PHACTR1: variants seen among roughly 807,000 people sequenced by gnomAD.
PHACTR1 encodes phosphatase and actin regulator 1, also known as RPEL repeat containing 1.
A neutral mutation model predicts 69.2 loss-of-function variants in PHACTR1; 16 were observed. That is an observed-to-expected ratio of 0.23 (90% CI 0.16 to 0.35). The LOEUF is 0.35. Ranked by LOEUF, PHACTR1 falls within the 10% of genes least tolerant of loss-of-function variation. The pLI is 1.00. For synonymous variants in PHACTR1, 312 were observed against 284.5 expected, an observed-to-expected ratio of 1.10 and a Z score of -0.97; for missense variants, 510 against 734.7, an observed-to-expected ratio of 0.69 and a Z score of 3.54.
intron 3 of PHACTR1, among the ~76,000 whole-genome samples, chr6:12,732,361 T>C (rs1037399697): frequency 1.3e-5 from 2 of 152,056 alleles, no homozygotes; most frequent in South Asian, 2.1e-4. Flanking sequence ...TATTTTTCTT[T>C]AGTTCTTCTA....
intron 4 of PHACTR1, among the ~76,000 whole-genome samples, chr6:13,019,068 A>ATT (rs1383931837): frequency 0.03 from 4,063 of 137,602 alleles, 107 homozygotes; most frequent in East Asian, 0.16. Context: ...ATATATATAT[A>ATT]TATATATTTT....
intron 4 of PHACTR1, among the ~76,000 whole-genome samples, chr6:12,782,218 G>T (rs1441262510): frequency 6.6e-6 from 1 of 152,170 alleles, no homozygotes; most frequent in Admixed American, 6.5e-5. Flanking sequence ...CCAAGGGTTG[G>T]CAGTCAGGTG....
rs140090515 is a variant in PHACTR1, at chr6:12,987,926, G to A, written c.251-65439G>A. Reference sequence around the variant, plus strand: ...CAGTCCCCACTATGACTGCATGGATGTTGTGAATTTTCCAGCACTTGTGCT... The same window carrying A: ...CAGTCCCCACTATGACTGCATGGATATTGTGAATTTTCCAGCACTTGTGCT... On this transcript the variant is annotated intron_variant, in intron 4 of 14. Coordinates refer to ENST00000332995, the MANE Select transcript of PHACTR1 (RefSeq NM_030948.6). 7.5e-3 allele frequency among the ~76,000 whole-genome samples: 1,145 copies of A among 152,310 alleles called. 12 individuals carry two copies. Among genetic ancestry groups the A allele is most frequent in the African/African-American group, 0.026 (1,084 of 41,572 alleles).
intron 4 of PHACTR1, among the ~76,000 whole-genome samples, chr6:12,759,818 A>G (rs569484789): frequency 1.3e-5 from 2 of 152,292 alleles, no homozygotes; most frequent in South Asian, 4.1e-4. Context: ...GAGCAGTGAC[A>G]AAGACCATTC....
At chr6:12,794,619 C>T (rs369434940) in intron 4 of PHACTR1, among the ~76,000 whole-genome samples, 1 of 152,216 alleles carries the variant, frequency 6.6e-6, no homozygotes, top group South Asian at 2.1e-4. Context: ...AACATGTCAT[C>T]GGCATAAAAA....
intron 4 of PHACTR1, among the ~76,000 whole-genome samples, chr6:12,803,932 C>T (rs1400312894): frequency 2.6e-5 from 4 of 152,176 alleles, no homozygotes; most frequent in Non-Finnish European, 4.4e-5. Context: ...GAAAGAAAAT[C>T]TCCAGGGAAA....
intron 4 of PHACTR1, among the ~76,000 whole-genome samples, chr6:12,899,645 T>C (rs1784996575): frequency 6.6e-6 from 1 of 152,212 alleles, no homozygotes; most frequent in Non-Finnish European, 1.5e-5. Flanking sequence ...CTGGGTTGAC[T>C]GAGAATAGCT....
chr6:13,208,895 G>T (rs778916659), intron 8 of PHACTR1, among the ~76,000 whole-genome samples: 13 of 152,098 alleles, frequency 8.5e-5, no homozygotes, highest in Admixed American at 7.2e-4. Flanking sequence ...TGGGGGCAGG[G>T]TATGCAGCAT....
At chr6:12,994,184 C>CT in intron 4 of PHACTR1, among the ~76,000 whole-genome samples, 1 of 152,246 alleles carries the variant, frequency 6.6e-6, no homozygotes, top group East Asian at 1.9e-4. Context: ...AATTAATAAA[C>CT]TGGAAGATCA....
intron 5 of PHACTR1, among the ~76,000 whole-genome samples, chr6:13,063,987 T>C (rs1348082460): frequency 6.6e-6 from 1 of 152,164 alleles, no homozygotes; most frequent in Admixed American, 6.5e-5. Context: ...TGGGAAAAGC[T>C]TGGAGTGGCA....
intron 4 of PHACTR1, among the ~76,000 whole-genome samples, chr6:13,026,826 G>T (rs1417313977): frequency 6.6e-6 from 1 of 152,074 alleles, no homozygotes; most frequent in African/African-American, 2.4e-5. Context: ...GCAGGTCACA[G>T]AGTAATGGCC....
At chr6:13,163,860 T>G (rs578203426) in intron 6 of PHACTR1, among the ~76,000 whole-genome samples, 4 of 152,338 alleles carry the variant, frequency 2.6e-5, no homozygotes, top group Admixed American at 2.6e-4. Context: ...GACTTTTTTA[T>G]AACAGTGACT....
intron 4 of PHACTR1, among the ~76,000 whole-genome samples, chr6:12,910,889 G>A (rs952306256): frequency 2.0e-5 from 3 of 152,216 alleles, no homozygotes; most frequent in African/African-American, 7.2e-5. Context: ...ATGGGAAGAT[G>A]GGACATGTAC....
At chr6:13,015,732 G>T (rs546590979) in intron 4 of PHACTR1, among the ~76,000 whole-genome samples, 20 of 152,100 alleles carry the variant, frequency 1.3e-4, no homozygotes, top group African/African-American at 4.8e-4. Context: ...TGGTAAATGC[G>T]GTATACCCCG....
At chr6:12,945,226 T>C (rs1031838255) in intron 4 of PHACTR1, among the ~76,000 whole-genome samples, 6 of 152,092 alleles carry the variant, frequency 3.9e-5, no homozygotes, top group Non-Finnish European at 8.8e-5. Context: ...TAAAACCACT[T>C]CCTCCAGAAA....
At chr6:12,734,400 G>A (rs1763972106) in intron 3 of PHACTR1, among the ~76,000 whole-genome samples, 1 of 152,072 alleles carries the variant, frequency 6.6e-6, no homozygotes. Flanking sequence ...GCCAAATACT[G>A]CTTGAATTAT....
intron 4 of PHACTR1, among the ~76,000 whole-genome samples, chr6:12,935,466 A>G (rs9395237): frequency 0.15 from 22,448 of 152,038 alleles, 3,559 homozygotes; most frequent in African/African-American, 0.4. Flanking sequence ...CTGGTCTCGA[A>G]CTTTTGACCT....
At chr6:13,238,784 T>G (rs4715184) in intron 10 of PHACTR1, among the ~76,000 whole-genome samples, 3,772 of 152,160 alleles carry the variant, frequency 0.025, 147 homozygotes, top group African/African-American at 0.085. Flanking sequence ...GCATCTCCCC[T>G]GGCTAGGTAA....
At chr6:13,166,187 C>A (rs1759780184) in intron 6 of PHACTR1, among the ~76,000 whole-genome samples, 1 of 152,194 alleles carries the variant, frequency 6.6e-6, no homozygotes, top group Non-Finnish European at 1.5e-5. Flanking sequence ...GTGTCACCTT[C>A]CCAGTGAAGC....
Sources: gnomAD v4.1 joint callset for allele counts (sites outside exome capture counted in the v4.1 genomes callset) on GRCh38, gnomAD v4.1.1 for gene constraint, MANE v1.5 for transcripts, NCBI Gene and HGNC (gene_info 2026-07-23, HGNC 2026-07-21) for gene names.